The following GRID1 variants were observed in gnomAD, a reference collection of about 807,000 sequenced individuals.
GRID1 encodes glutamate ionotropic receptor delta type subunit 1, also known as glutamate receptor ionotropic, delta-1.
GRID1 carries 28 observed loss-of-function variants against 98.0 expected under a neutral mutation model. The ratio of observed to expected loss-of-function variants is 0.29; its 90% CI spans 0.21 to 0.39. The LOEUF (loss-of-function observed/expected upper bound fraction) is 0.39, where lower values mean the gene tolerates loss of function less well. Among genes scored for constraint, GRID1 ranks in the 10% least tolerant of loss-of-function variants. GRID1 has a pLI of 1.00. For synonymous variants in GRID1, 553 were observed against 538.5 expected (o/e 1.03, Z -0.37); for missense variants, 1,111 against 1,340.5 (o/e 0.83, Z 2.67).
intron 9 of GRID1, among the ~76,000 whole-genome samples, chr10:85,728,424 A>T (rs1841786651): frequency 6.6e-6 from 1 of 152,226 alleles, no homozygotes; most frequent in Non-Finnish European, 1.5e-5. Flanking sequence ...GGCCCACATA[A>T]GAAACATGCA....
chr10:86,314,598 C>A (rs976109701), intron 2 of GRID1, among the ~76,000 whole-genome samples: 42 of 152,164 alleles, frequency 2.8e-4, no homozygotes, highest in African/African-American at 1.0e-3. Context: ...GCACAGGTGC[C>A]CTTAGAAGGA....
rs937010805 is a variant in GRID1 at position 85,660,379 on chromosome 10, G to A, written c.1998-12982C>T. Among the ~76,000 whole-genome samples, 7 of 152,154 alleles carry A rather than the reference G, an allele frequency of 4.6e-5. No individual in the cohort carries two copies. In the East Asian group the frequency reaches 7.7e-4, roughly 17 times the overall value. ...TTGTCCAATGGGAGCAAAACATCCC[G>A]CTACAGAACACCAGATACACCACCA... is the stretch of plus-strand genomic sequence containing the variant. On this transcript the variant is annotated intron_variant, in intron 12 of 15. Transcript: ENST00000327946.
At chr10:86,222,609 A>G (rs1846274555) in intron 2 of GRID1, among the ~76,000 whole-genome samples, 1 of 152,196 alleles carries the variant, frequency 6.6e-6, no homozygotes, top group African/African-American at 2.4e-5. Context: ...GCACCCCAGG[A>G]GAGGCAGCCT....
At chr10:86,011,441 G>A (rs752932037) in intron 4 of GRID1, among the ~76,000 whole-genome samples, 44 of 152,140 alleles carry the variant, frequency 2.9e-4, no homozygotes, top group Non-Finnish European at 5.4e-4. Context: ...TTTTGGGACA[G>A]TAATGCTCGA....
intron 12 of GRID1, among the ~76,000 whole-genome samples, chr10:85,677,216 T>C (rs527471642): frequency 6.6e-6 from 1 of 152,302 alleles, no homozygotes; most frequent in South Asian, 2.1e-4. Flanking sequence ...GGATAAGAGA[T>C]AAAGTGGGAC....
intron 2 of GRID1, among the ~76,000 whole-genome samples, chr10:86,348,370 C>G (rs1186670283): frequency 6.6e-6 from 1 of 152,220 alleles, no homozygotes; most frequent in East Asian, 1.9e-4. Context: ...AGCAGAGCGG[C>G]CAGGAAAGGC....
chr10:85,883,738 C>A (rs1307095064), intron 5 of GRID1, among the ~76,000 whole-genome samples: 1 of 152,152 alleles, frequency 6.6e-6, no homozygotes, highest in East Asian at 1.9e-4. Context: ...ATAACCACTA[C>A]AAATTTAAGT....
At chr10:86,211,617 G>A (rs921046853) in intron 2 of GRID1, among the ~76,000 whole-genome samples, 7 of 152,058 alleles carry the variant, frequency 4.6e-5, no homozygotes, top group Admixed American at 2.0e-4. Context: ...GGACTCTCAG[G>A]GGTGGGACAT....
intron 2 of GRID1, among the ~76,000 whole-genome samples, chr10:86,282,325 T>C (rs1216767174): frequency 6.6e-6 from 1 of 152,130 alleles, no homozygotes; most frequent in Non-Finnish European, 1.5e-5. Context: ...TGGGCCTCAG[T>C]TGCCTCATCT....
At chr10:86,351,808 T>A (rs1287438397) in intron 2 of GRID1, among the ~76,000 whole-genome samples, 1 of 152,166 alleles carries the variant, frequency 6.6e-6, no homozygotes, top group Non-Finnish European at 1.5e-5. Context: ...ATGAGAACAA[T>A]AACTGTAGCT....
chr10:85,635,727 T>C (rs182191652), intron 13 of GRID1, among the ~76,000 whole-genome samples: 1 of 152,070 alleles, frequency 6.6e-6, no homozygotes, highest in Non-Finnish European at 1.5e-5. Context: ...GGCTGCACTC[T>C]GGGATGCACT....
intron 5 of GRID1, among the ~76,000 whole-genome samples, chr10:85,872,261 T>C (rs1843285797): frequency 6.6e-6 from 1 of 152,110 alleles, no homozygotes; most frequent in Admixed American, 6.5e-5. Flanking sequence ...ATAAAGGACC[T>C]GGGGAGGTCA....
intron 4 of GRID1, among the ~76,000 whole-genome samples, chr10:85,981,171 T>G (rs1842540212): frequency 6.6e-6 from 1 of 152,138 alleles, no homozygotes; most frequent in Non-Finnish European, 1.5e-5. Context: ...ACCCAGGCCC[T>G]GGAAGAAATG....
Position 86,206,756 on chromosome 10 carries a change from G to C in GRID1, c.236-108C>G. On this transcript the variant is annotated intron_variant, in intron 2 of 15. Coordinates refer to ENST00000327946, the MANE Select transcript of GRID1 (RefSeq NM_017551.3). The surrounding 1 kb of genome is among the most constrained non-coding windows in gnomAD (Gnocchi z 4.1). Reference sequence around the variant, plus strand: ...CAGCTCATGCCCAGGACTCCCAAGAGAGGCTGCCTCCCTCCAGGACCAAGA... The same window carrying C: ...CAGCTCATGCCCAGGACTCCCAAGACAGGCTGCCTCCCTCCAGGACCAAGA... 4 of 1,045,420 alleles carry C rather than the reference G, an allele frequency of 3.8e-6. No homozygotes were observed. Among genetic ancestry groups the C allele is most frequent in the South Asian group, 1.6e-5 (1 of 62,846 alleles). The allele number at this position is 1,045,420 out of a possible 1,614,324, so 64.8% of individuals were successfully genotyped here. A position where few individuals can be genotyped will look rare whatever the true frequency, so the allele number is the denominator to read the frequency against.
At chr10:85,930,244 C>A (rs1455837796) in intron 4 of GRID1, among the ~76,000 whole-genome samples, 3 of 97,180 alleles carry the variant, frequency 3.1e-5, no homozygotes, top group African/African-American at 1.6e-4. Context: ...TTTTTAACTA[C>A]AAATAACTTG....
intron 14 of GRID1, among the ~76,000 whole-genome samples, chr10:85,615,562 A>T (rs1197199239): frequency 6.6e-6 from 1 of 152,240 alleles, no homozygotes; most frequent in African/African-American, 2.4e-5. Flanking sequence ...ACTGATCAGC[A>T]TGTAAGACAC....
At chr10:85,611,771 G>A (rs1842735164) in intron 15 of GRID1, among the ~76,000 whole-genome samples, 1 of 152,190 alleles carries the variant, frequency 6.6e-6, no homozygotes, top group African/African-American at 2.4e-5. Flanking sequence ...ACATGATGAG[G>A]AGAGGTCAGA....
intron 5 of GRID1, among the ~76,000 whole-genome samples, chr10:85,914,272 T>A (rs1199781957): frequency 6.6e-6 from 1 of 152,118 alleles, no homozygotes; most frequent in East Asian, 1.9e-4. Flanking sequence ...ACGGAGTAAT[T>A]CTTTTGAAGA....
intron 2 of GRID1, among the ~76,000 whole-genome samples, chr10:86,353,988 C>T (rs1316587503): frequency 2.6e-5 from 4 of 152,216 alleles, no homozygotes; most frequent in Non-Finnish European, 4.4e-5. Flanking sequence ...AGCTTTGAGC[C>T]CAGAGCCCAG....
Sources: allele counts gnomAD v4.1 joint callset (sites outside exome capture counted in the v4.1 genomes callset), GRCh38; gene constraint gnomAD v4.1.1; non-coding constraint Gnocchi (gnomAD v3.1); transcripts MANE v1.5; gene names NCBI Gene and HGNC (gene_info 2026-07-23, HGNC 2026-07-21).